Variants in MLPH observed in about 807,000 individuals in gnomAD.
The protein encoded by MLPH is exophilin-3.
A neutral mutation model predicts 72.1 loss-of-function variants in MLPH; 51 were observed. That is an observed-to-expected ratio of 0.71 (90% confidence interval 0.56 to 0.89). The LOEUF (loss-of-function observed/expected upper bound fraction) is 0.89. Ranked by LOEUF, MLPH falls within the 40% of genes least tolerant of loss-of-function variation. The pLI is 0.00. For synonymous variants in MLPH, 301 were observed against 310.1 expected, an observed-to-expected ratio of 0.97 and a Z score of 0.31; for missense variants, 743 against 759.9, an observed-to-expected ratio of 0.98 and a Z score of 0.26.
intron 8 of MLPH, among the ~76,000 whole-genome samples, chr2:237,527,882 C>T (rs904618528): frequency 6.6e-6 from 1 of 152,130 alleles, no homozygotes; most frequent in Non-Finnish European, 1.5e-5. Flanking sequence ...GTAACCCAAG[C>T]GTCCATTGAC....
intron 1 of MLPH, among the ~76,000 whole-genome samples, chr2:237,489,533 C>A (rs1033626212): frequency 1.3e-5 from 2 of 152,156 alleles, no homozygotes; most frequent in Non-Finnish European, 2.9e-5. Flanking sequence ...ACAGGCTGAC[C>A]TGGACGGCAG....
chr2:237,518,712 G>A, intron 5 of MLPH, 64 bp downstream of exon 5: 1 of 1,320,632 alleles, frequency 7.6e-7, no homozygotes, highest in Non-Finnish European at 1.1e-6. Context: ...TGGGACGTCA[G>A]GTTCTGATTT....
intron 2 of MLPH, among the ~76,000 whole-genome samples, chr2:237,506,165 A>G (rs2079766742): frequency 6.6e-6 from 1 of 152,256 alleles, no homozygotes; most frequent in Non-Finnish European, 1.5e-5. Context: ...TATGGGTCAT[A>G]TCTATTAATA....
rs977806799 is a variant in MLPH, at chr2:237,512,625, C to T, written c.445+1524C>T. Among the ~76,000 whole-genome samples, 1 of 152,168 alleles carries T rather than the reference C, an allele frequency of 6.6e-6. No homozygotes were observed. ...CCTAGCAGCAAATCCCACCTCCCCA[C>T]ACGCACACGGCCAGCCTGGAGCCCA... is the stretch of plus-strand genomic sequence containing the variant. On this transcript the variant is annotated intron_variant, in intron 4 of 15. Transcript: ENST00000264605. This position sits in a 1 kb window ranked among gnomAD's most constrained non-coding sequence, Gnocchi z 5.5.
At chr2:237,492,339 G>A (rs1384858510) in intron 1 of MLPH, among the ~76,000 whole-genome samples, 1 of 152,042 alleles carries the variant, frequency 6.6e-6, no homozygotes, top group Non-Finnish European at 1.5e-5. Context: ...CTGCTCTGCT[G>A]AGCAGCTGAG....
intron 1 of MLPH, among the ~76,000 whole-genome samples, chr2:237,489,320 G>T (rs1447045085): frequency 6.6e-6 from 1 of 152,222 alleles, no homozygotes; most frequent in East Asian, 1.9e-4. Flanking sequence ...GCAAGTTGGT[G>T]GGCAGGTGGC....
rs1032723844 is a variant in MLPH at position 237,512,821 on chromosome 2, A to G, written c.445+1720A>G. 2.0e-4 allele frequency among the ~76,000 whole-genome samples: 31 copies of G among 152,302 alleles called. No individual in the cohort carries two copies. The highest frequency in any genetic ancestry group is 7.5e-4 in the African/African-American group (31 of 41,560). ...GACTGGGGTGGGCTCAGGAAGCTGT[A>G]TTATTTCAAAGGACGCAGTGTTTCC... is the stretch of plus-strand genomic sequence containing the variant. On this transcript the variant is annotated intron_variant, in intron 4 of 15. Coordinates refer to ENST00000264605, the MANE Select transcript of MLPH (RefSeq NM_024101.7). This position sits in a 1 kb window ranked among gnomAD's most constrained non-coding sequence, Gnocchi z 5.5.
At chr2:237,495,426 A>AC (rs959105463) in intron 2 of MLPH, among the ~76,000 whole-genome samples, 13 of 152,146 alleles carry the variant, frequency 8.5e-5, no homozygotes, top group African/African-American at 3.1e-4. Context: ...GCCATAGGAG[A>AC]CCGCACTGGA....
intron 2 of MLPH, among the ~76,000 whole-genome samples, chr2:237,504,925 C>G (rs180886321): frequency 6.6e-6 from 1 of 152,202 alleles, no homozygotes; most frequent in African/African-American, 2.4e-5. Context: ...TGCTCCCCCT[C>G]GTGAGACCCC....
intron 7 of MLPH, 68 bp downstream of exon 7, chr2:237,525,873 CCCACCA>C: frequency 6.8e-7 from 1 of 1,461,678 alleles, no homozygotes; most frequent in Non-Finnish European, 9.4e-7. Flanking sequence ...GAGGAACAAC[CCCACCA>C]CCCTGACCTA....
At chr2:237,506,508 C>A (rs970826003) in intron 2 of MLPH, among the ~76,000 whole-genome samples, 3 of 152,156 alleles carry the variant, frequency 2.0e-5, no homozygotes, top group Non-Finnish European at 2.9e-5. Context: ...TAAGGGCTTA[C>A]AACTCTAAGG....
At chr2:237,516,311 G>A (rs1320829797) in intron 4 of MLPH, among the ~76,000 whole-genome samples, 2 of 152,214 alleles carry the variant, frequency 1.3e-5, no homozygotes, top group Admixed American at 1.3e-4. Flanking sequence ...GTCAGTAGGA[G>A]AAAGGAGGGA....
chr2:237,552,188 C>A, intron 14 of MLPH, 149 bp from the exon 15 acceptor site: 1 of 653,096 alleles, frequency 1.5e-6, no homozygotes. Context: ...AATGTAAATA[C>A]TTTTTAAAAA....
intron 6 of MLPH, 83 bp downstream of exon 6, chr2:237,520,112 T>C: frequency 1.9e-6 from 3 of 1,587,024 alleles, no homozygotes; most frequent in South Asian, 2.2e-5. Context: ...GGGACAGCAC[T>C]CTGGAAGCAG....
In MLPH at chr2:237,545,220, GACAGTGGTGAGTGGGGC is replaced by G. The variant is rs376922629; in HGVS notation, c.1540-1372_1540-1356del. Among the ~76,000 whole-genome samples, 277 of 145,126 alleles carry G rather than the reference GACAGTGGTGAGTGGGGC, an allele frequency of 1.9e-3. 15 individuals are homozygous for G. Among genetic ancestry groups the G allele is most frequent in the African/African-American group, 5.9e-3 (218 of 37,152 alleles). ...GTGAGTGGGGACAGTGGTGAGTGGG[GACAGTGGTGAGTGGGGC>G]ACAGTGGTGAGTGAGGGGAACACAG... On this transcript the variant is annotated intron_variant, in intron 12 of 15. Coordinates refer to ENST00000264605, the MANE Select transcript of MLPH (RefSeq NM_024101.7).
At chr2:237,520,546 A>G (rs2080160726) in intron 6 of MLPH, among the ~76,000 whole-genome samples, 1 of 152,238 alleles carries the variant, frequency 6.6e-6, no homozygotes, top group African/African-American at 2.4e-5. Context: ...TGAACAGGAC[A>G]TGTGGCCGCC....
chr2:237,490,343 A>G (rs958886215), intron 1 of MLPH, among the ~76,000 whole-genome samples: 1 of 152,098 alleles, frequency 6.6e-6, no homozygotes, highest in Non-Finnish European at 1.5e-5. Flanking sequence ...AAAAAAAGAA[A>G]GAAAACCATT....
At chr2:237,529,351 G>T (rs1011559738) in intron 8 of MLPH, among the ~76,000 whole-genome samples, 14 of 152,128 alleles carry the variant, frequency 9.2e-5, no homozygotes, top group African/African-American at 3.4e-4. Flanking sequence ...CCCCTTAGCA[G>T]GCTTTATATA....
intron 6 of MLPH, among the ~76,000 whole-genome samples, chr2:237,524,487 G>A (rs1442178253): frequency 6.6e-6 from 1 of 151,908 alleles, no homozygotes; most frequent in Non-Finnish European, 1.5e-5. Context: ...TAGGCTGGGA[G>A]GCTAGGCCTG....
Sources: gnomAD v4.1 joint callset for allele counts (sites outside exome capture counted in the v4.1 genomes callset) on GRCh38, gnomAD v4.1.1 for gene constraint, Gnocchi (gnomAD v3.1) non-coding constraint, MANE v1.5 for transcripts, NCBI Gene and HGNC (gene_info 2026-07-23, HGNC 2026-07-21) for gene names.